The following MEG3 variants were observed in gnomAD, a reference collection of about 807,000 sequenced individuals.
The protein encoded by MEG3 is maternally expressed 3.
At chr14:100,856,620 G>C (rs566935175), upstream of MEG3, 5 of 152,684 alleles carry the variant, frequency 3.3e-5, no homozygotes, top group Non-Finnish European at 7.3e-5. Context: ...AGCTGAGTGG[G>C]AGAGCATTTA....
intron 2 of MEG3, among the ~76,000 whole-genome samples, chr14:100,840,514 A>T (rs1400124646): frequency 6.6e-6 from 1 of 152,164 alleles, no homozygotes; most frequent in Non-Finnish European, 1.5e-5. Flanking sequence ...TCCAGATGAA[A>T]AGAAGAAAAC....
upstream of MEG3, chr14:100,852,758 C>A: frequency 4.5e-6 from 1 of 221,436 alleles, no homozygotes; most frequent in Non-Finnish European, 9.2e-6. Flanking sequence ...ATTGCATGCA[C>A]CAAGAGGAAA....
At chr14:100,841,143 G>A (rs1038093763) in intron 2 of MEG3, among the ~76,000 whole-genome samples, 1 of 152,330 alleles carries the variant, frequency 6.6e-6, no homozygotes, top group African/African-American at 2.4e-5. Flanking sequence ...CCAGACTGCC[G>A]TAAGGGTAGG....
upstream of MEG3, chr14:100,853,400 A>G (rs1405194682): frequency 6.6e-6 from 1 of 152,170 alleles, no homozygotes; most frequent in Non-Finnish European, 1.5e-5. Context: ...TGTTCCTAAT[A>G]TAAATGGTGT....
intron 3 of MEG3, chr14:100,846,818 G>A (rs533304330): frequency 6.6e-6 from 1 of 152,216 alleles, no homozygotes; most frequent in East Asian, 1.9e-4. Flanking sequence ...ATGGACTAAG[G>A]GGTATGTGTA....
chr14:100,840,811 G>A (rs1020036252), intron 2 of MEG3, among the ~76,000 whole-genome samples: 4 of 152,226 alleles, frequency 2.6e-5, no homozygotes, highest in African/African-American at 9.6e-5. Context: ...ATGGGGCTGC[G>A]GGGAGAGAGG....
At chr14:100,839,400 T>C (rs1476232304) in intron 2 of MEG3, among the ~76,000 whole-genome samples, 2 of 152,222 alleles carry the variant, frequency 1.3e-5, no homozygotes, top group Admixed American at 6.5e-5. Context: ...AGGTCTAGCT[T>C]CGTCTCCCAT....
chr14:100,853,728 G>A (rs140231312), upstream of MEG3: 1 of 152,176 alleles, frequency 6.6e-6, no homozygotes, highest in Non-Finnish European at 1.5e-5. Context: ...TTATTCTTAT[G>A]TATAACCACC....
downstream of MEG3, chr14:100,833,978 A>G (rs965759014): frequency 3.3e-5 from 5 of 152,042 alleles, no homozygotes; most frequent in African/African-American, 1.2e-4. Context: ...CTACCCCAGC[A>G]CCCCACGAGG....
chr14:100,834,524 G>A (rs2037497339), exon 1 of MEG3: 3 of 361,704 alleles, frequency 8.3e-6, no homozygotes, highest in Admixed American at 6.9e-5. Context: ...CTTGAGTGTA[G>A]GGGCAGCCCT....
At chr14:100,854,077 T>G, upstream of MEG3, 1 of 152,226 alleles carries the variant, frequency 6.6e-6, no homozygotes, top group East Asian at 1.9e-4. Context: ...TTTGGTTAAG[T>G]CTCTTGAAAG....
upstream of MEG3, chr14:100,852,294 G>C (rs1595300380): frequency 1.9e-6 from 1 of 526,194 alleles, no homozygotes; most frequent in East Asian, 5.5e-5. Context: ...AAGGAGGGAG[G>C]GAGGCAAGAA....
intron 2 of MEG3, among the ~76,000 whole-genome samples, chr14:100,836,523 G>A (rs1484932775): frequency 1.3e-5 from 2 of 152,088 alleles, no homozygotes; most frequent in African/African-American, 4.8e-5. Flanking sequence ...CTGGCTGATG[G>A]CATGCTGTGG....
At chr14:100,840,784 A>G (rs28579957) in intron 2 of MEG3, among the ~76,000 whole-genome samples, 15,964 of 152,258 alleles carry the variant, frequency 0.1, 1,189 homozygotes, top group East Asian at 0.41. Flanking sequence ...TGCCTGAAAT[A>G]TAGCCAAAGA....
At chr14:100,827,256 G>A (rs1217917049) in intron 1 of MEG3, among the ~76,000 whole-genome samples, 1 of 152,008 alleles carries the variant, frequency 6.6e-6, no homozygotes, top group Non-Finnish European at 1.5e-5. Flanking sequence ...GGGCGCAGGC[G>A]GGTGGCTACG....
chr14:100,833,620 CCCT>C (rs1490681968), downstream of MEG3: 2 of 152,292 alleles, frequency 1.3e-5, no homozygotes, highest in African/African-American at 4.8e-5. Context: ...CCTGCCTGAA[CCCT>C]CCTCCTCTTT....
In MEG3 at chr14:100,837,961, G is replaced by A. The variant is rs2037639225; in HGVS notation, n.3045+1661G>A. Among the ~76,000 whole-genome samples, 2 of 152,078 alleles carry A rather than the reference G, an allele frequency of 1.3e-5. No individual in the cohort carries two copies. The highest frequency in any genetic ancestry group is 4.8e-5 in the African/African-American group (2 of 41,420). On this transcript the variant is annotated intron_variant and non_coding_transcript_variant, in intron 2 of 3. Transcript: ENST00000398461. This position sits in a 1 kb window ranked among gnomAD's most constrained non-coding sequence, Gnocchi z 5.8. ...GGCTAAACCCAGGGAGGGGGCCCAG[G>A]AAGGCTCTGCCCCGTGACATTTACT...
rs931533459 is a variant in MEG3 at position 100,845,763 on chromosome 14, G to T, written n.3121+230G>T. On this transcript the variant is annotated intron_variant and non_coding_transcript_variant, in intron 3 of 3. Transcript: ENST00000398461. The surrounding 1 kb of genome is among the most constrained non-coding windows in gnomAD (Gnocchi z 5.2). The stretch of plus-strand genomic sequence containing the variant: ...TCCTTGTGTTGTCTCTGTGGCAAAA[G>T]AATTCTATAGGCGGGCTTCAAATGT... The T allele has an allele frequency of 8.7e-6, 2 of 229,710 alleles. No individual in the cohort carries two copies. The highest frequency in any genetic ancestry group is 1.8e-5 in the Non-Finnish European group (2 of 112,532). 14.2% of individuals were successfully genotyped at this position (229,710 alleles called of 1,614,324 possible). A position where few individuals can be genotyped will look rare whatever the true frequency, so the allele number is the denominator to read the frequency against.
At chr14:100,847,532 A>G (rs562669625) in intron 3 of MEG3, 15 of 152,374 alleles carry the variant, frequency 9.8e-5, no homozygotes, top group African/African-American at 3.6e-4. Context: ...AAAGAAGGCA[A>G]TGCGATCGAT....
Sources: allele counts gnomAD v4.1 joint callset (sites outside exome capture counted in the v4.1 genomes callset), GRCh38; gene constraint gnomAD v4.1.1; non-coding constraint Gnocchi (gnomAD v3.1); transcripts MANE v1.5; gene names NCBI Gene and HGNC (gene_info 2026-07-23, HGNC 2026-07-21).